MOB3B: variants seen among roughly 807,000 people sequenced by gnomAD.
MOB3B encodes MOB kinase activator-like 2B.
In MOB3B, 7 loss-of-function variants were observed where a neutral mutation model predicts 18.7. That is an observed-to-expected ratio of 0.37 (90% CI 0.21 to 0.70). The LOEUF (loss-of-function observed/expected upper bound fraction) is 0.70. Ranked by LOEUF, MOB3B falls within the 30% of genes least tolerant of loss-of-function variation. The pLI, the probability that MOB3B is intolerant of heterozygous loss-of-function variation, is 0.52. For missense variants in MOB3B, 253 were observed against 281.3 expected (o/e 0.90, Z 0.72); for synonymous variants, 111 against 99.9 (o/e 1.11, Z -0.66).
At chr9:27,477,928 G>C (rs1002712431) in intron 1 of MOB3B, among the ~76,000 whole-genome samples, 1 of 152,148 alleles carries the variant, frequency 6.6e-6, no homozygotes, top group African/African-American at 2.4e-5. Context: ...CATCAAGTCA[G>C]AATTCTTCAA....
chr9:27,329,681 T>C lies in MOB3B; in HGVS notation c.*906A>G, dbSNP rs1017901945. 2 of 152,656 alleles carry C rather than the reference T, an allele frequency of 1.3e-5. No homozygotes were observed. The highest frequency in any genetic ancestry group is 4.8e-5 in the African/African-American group (2 of 41,454). 9.5% of individuals were successfully genotyped at this position (152,656 alleles called of 1,614,324 possible). On this transcript the variant is annotated 3_prime_UTR_variant, in exon 4 of 4. Transcript: ENST00000262244. ...GTAGAGACAGCCACGACTCCCTGTC[T>C]TTAATAAAGAACAAACACTGCAGTA...
At chr9:27,427,974 A>G (rs537161390) in intron 2 of MOB3B, among the ~76,000 whole-genome samples, 1 of 151,882 alleles carries the variant, frequency 6.6e-6, no homozygotes, top group East Asian at 1.9e-4. Context: ...CCAACCCAAT[A>G]CTTCTGGTTT....
intron 1 of MOB3B, among the ~76,000 whole-genome samples, chr9:27,465,658 TG>T (rs1391623261): frequency 6.6e-6 from 1 of 152,208 alleles, no homozygotes. Flanking sequence ...AGCAAACTTT[TG>T]CCTGGGTATC....
intron 2 of MOB3B, among the ~76,000 whole-genome samples, chr9:27,408,093 G>A (rs547546496): frequency 6.6e-6 from 1 of 152,242 alleles, no homozygotes; most frequent in South Asian, 2.1e-4. Flanking sequence ...CTAATCTCTG[G>A]CCGAGGCTGA....
intron 1 of MOB3B, among the ~76,000 whole-genome samples, chr9:27,508,370 T>C (rs1820090471): frequency 6.6e-6 from 1 of 152,060 alleles, no homozygotes; most frequent in Admixed American, 6.6e-5. Flanking sequence ...TTTTCATCCA[T>C]TAAGACAGAA....
intron 2 of MOB3B, among the ~76,000 whole-genome samples, chr9:27,428,522 G>C (rs1175043570): frequency 6.6e-6 from 1 of 152,234 alleles, no homozygotes; most frequent in East Asian, 1.9e-4. Flanking sequence ...GTTCTGTGTG[G>C]AGAAATAAGA....
At chr9:27,363,861 C>T (rs1001790233) in intron 2 of MOB3B, among the ~76,000 whole-genome samples, 1 of 152,188 alleles carries the variant, frequency 6.6e-6, no homozygotes. Flanking sequence ...CCTGCCTCAG[C>T]CTTCCAAGTA....
chr9:27,380,566 T>G (rs1025038785), intron 2 of MOB3B, among the ~76,000 whole-genome samples: 9 of 152,152 alleles, frequency 5.9e-5, no homozygotes, highest in Non-Finnish European at 1.2e-4. Flanking sequence ...CTATAAGGGC[T>G]GAAGCCACTG....
chr9:27,494,022 A>T (rs937226707), intron 1 of MOB3B, among the ~76,000 whole-genome samples: 3 of 152,210 alleles, frequency 2.0e-5, no homozygotes, highest in Non-Finnish European at 4.4e-5. Context: ...ACCTGGAGGT[A>T]TAGGCTTATA....
chr9:27,350,886 G>A (rs1005339110), intron 3 of MOB3B, among the ~76,000 whole-genome samples: 1 of 149,934 alleles, frequency 6.7e-6, no homozygotes, highest in Middle Eastern at 3.5e-3. Flanking sequence ...CTGCCCCTCT[G>A]CTGCCATGGT....
chr9:27,460,130 AG>A (rs1232148889), intron 1 of MOB3B, among the ~76,000 whole-genome samples: 10 of 152,228 alleles, frequency 6.6e-5, no homozygotes, highest in Admixed American at 3.9e-4. Flanking sequence ...TGTAGTTTTG[AG>A]GTTAGTTATT....
chr9:27,486,298 T>A (rs1467988729), intron 1 of MOB3B, among the ~76,000 whole-genome samples: 1 of 152,206 alleles, frequency 6.6e-6, no homozygotes, highest in African/African-American at 2.4e-5. Context: ...GACCTGTGTG[T>A]AAACCTGTAA....
At chr9:27,510,038 T>C (rs1820120631) in intron 1 of MOB3B, among the ~76,000 whole-genome samples, 1 of 152,228 alleles carries the variant, frequency 6.6e-6, no homozygotes, top group Non-Finnish European at 1.5e-5. Context: ...AACAAATTTA[T>C]GTAACAGATT....
intron 3 of MOB3B, among the ~76,000 whole-genome samples, chr9:27,352,721 A>G (rs1821122414): frequency 6.6e-6 from 1 of 152,228 alleles, no homozygotes; most frequent in Non-Finnish European, 1.5e-5. Flanking sequence ...GACACATCAC[A>G]TCACAAAGAT....
chr9:27,358,883 G>T, intron 3 of MOB3B, 151 bp downstream of exon 3: 1 of 830,894 alleles, frequency 1.2e-6, no homozygotes, highest in Non-Finnish European at 2.1e-6. Flanking sequence ...TCTCCTGGCT[G>T]TTAGTTGACC....
rs1198644470 is a variant in MOB3B at position 27,345,166 on chromosome 9, C to T, written c.621+13868G>A. On this transcript the variant is annotated intron_variant, in intron 3 of 3. Transcript: ENST00000262244. ...GGTGCATATGCCTCCCCCAAGCCCA[C>T]ACACAAACACTTTGCTTCATATGCT... Among the ~76,000 whole-genome samples, 4 of 152,290 alleles carry T rather than the reference C, an allele frequency of 2.6e-5. No individual in the cohort carries two copies. In the East Asian group the frequency reaches 7.7e-4, roughly 29 times the overall value.
At chr9:27,390,159 C>T (rs573972125) in intron 2 of MOB3B, among the ~76,000 whole-genome samples, 91 of 152,170 alleles carry the variant, frequency 6.0e-4, no homozygotes, top group Middle Eastern at 3.4e-3. Context: ...CTCACAGCAA[C>T]CTCCGCCTAC....
chr9:27,375,211 A>G (rs1821473301), intron 2 of MOB3B, among the ~76,000 whole-genome samples: 1 of 152,220 alleles, frequency 6.6e-6, no homozygotes, highest in South Asian at 2.1e-4. Flanking sequence ...GTCTTTGAGT[A>G]CCTCATACTT....
At chr9:27,488,424 T>C (rs891814000) in intron 1 of MOB3B, among the ~76,000 whole-genome samples, 1 of 152,220 alleles carries the variant, frequency 6.6e-6, no homozygotes, top group African/African-American at 2.4e-5. Flanking sequence ...TTATTTATTT[T>C]TGAGATGGTG....
Sources: allele counts gnomAD v4.1 joint callset (sites outside exome capture counted in the v4.1 genomes callset), GRCh38; gene constraint gnomAD v4.1.1; transcripts MANE v1.5; gene names NCBI Gene and HGNC (gene_info 2026-07-23, HGNC 2026-07-21).